BRF1: variants seen among roughly 807,000 people sequenced by gnomAD.
The protein encoded by BRF1 is transcription factor IIIB 90 kDa subunit.
In BRF1, 59 loss-of-function variants were observed where a neutral mutation model predicts 81.7. That is an observed-to-expected ratio of 0.72 (90% CI 0.59 to 0.90). The LOEUF (loss-of-function observed/expected upper bound fraction) is 0.90, where lower values mean the gene tolerates loss of function less well. Among genes scored for constraint, BRF1 ranks in the 40% least tolerant of loss-of-function variants. BRF1 has a pLI of 0.00. For missense variants in BRF1, 1,050 were observed against 936.3 expected, an observed-to-expected ratio of 1.12 and a Z score of -1.58; for synonymous variants, 491 against 395.6, an observed-to-expected ratio of 1.24 and a Z score of -2.86.
intron 14 of BRF1, among the ~76,000 whole-genome samples, chr14:105,218,189 C>T (rs1195781205): frequency 6.6e-6 from 1 of 152,146 alleles, no homozygotes; most frequent in Non-Finnish European, 1.5e-5. Flanking sequence ...TCAGTGAAGA[C>T]AGACAATCCA....
At chr14:105,289,475 G>A (rs182988061) in intron 1 of BRF1, among the ~76,000 whole-genome samples, 3 of 152,330 alleles carry the variant, frequency 2.0e-5, no homozygotes, top group South Asian at 2.1e-4. Flanking sequence ...AGGGAGAAAC[G>A]CAGGACTCAG....
intron 1 of BRF1, among the ~76,000 whole-genome samples, chr14:105,297,209 T>C (rs917445920): frequency 2.0e-5 from 3 of 152,034 alleles, no homozygotes; most frequent in South Asian, 2.1e-4. Context: ...ACTGACAGAC[T>C]ATATCAAAGA....
chr14:105,291,442 G>A (rs1373084198), intron 1 of BRF1, among the ~76,000 whole-genome samples: 1 of 152,184 alleles, frequency 6.6e-6, no homozygotes, highest in African/African-American at 2.4e-5. Flanking sequence ...TTGGGAGGCC[G>A]ATGTGGGTGG....
intron 5 of BRF1, chr14:105,247,972 G>A: frequency 4.1e-6 from 4 of 985,402 alleles, no homozygotes; most frequent in East Asian, 1.1e-4. Flanking sequence ...CAGAGCCACA[G>A]AGGCAGGGCG....
chr14:105,248,188 G>A (rs773082485), intron 5 of BRF1: 2 of 985,502 alleles, frequency 2.0e-6, no homozygotes, highest in East Asian at 1.1e-4. Context: ...GCTGGCGTCC[G>A]TAGCAAGCTA....
intron 1 of BRF1, chr14:105,314,916 G>GCCATGGCCGAGCGAGGCCGCCT: frequency 9.6e-7 from 1 of 1,036,806 alleles, no homozygotes; most frequent in Non-Finnish European, 1.2e-6. Context: ...CGGGGCCGGC[G>GCCATGGCCGAGCGAGGCCGCCT]CCATGGCCGA....
At chr14:105,251,093 A>G in intron 5 of BRF1, 1 of 202,916 alleles carries the variant, frequency 4.9e-6, no homozygotes, top group South Asian at 1.1e-4. Context: ...CTAAAATAAC[A>G]CCCACGTGTC....
chr14:105,241,025 GC>G (rs1385373870), intron 6 of BRF1, among the ~76,000 whole-genome samples: 1 of 152,216 alleles, frequency 6.6e-6, no homozygotes, highest in African/African-American at 2.4e-5. Context: ...TGGGGTCAAG[GC>G]CGCTCTGCCC....
At chr14:105,265,241 C>A (rs919369993) in intron 3 of BRF1, among the ~76,000 whole-genome samples, 3 of 151,744 alleles carry the variant, frequency 2.0e-5, no homozygotes, top group African/African-American at 4.8e-5. Context: ...TGGCTAATTT[C>A]TTTTATTAGC....
rs964511614 is a variant in BRF1 at position 105,241,592 on chromosome 14, C to A, written c.545-178G>T. 1.6e-5 allele frequency: 13 copies of A among 825,732 alleles called. No homozygotes were observed. In the Admixed American group the frequency reaches 3.1e-4, roughly 20 times the overall value. The allele number at this position is 825,732 out of a possible 1,614,324, so 51.2% of individuals were successfully genotyped here. On this transcript the variant is annotated intron_variant, in intron 5 of 17. Coordinates refer to ENST00000547530, the MANE Select transcript of BRF1 (RefSeq NM_001519.4). ...ACCCTCAGCTAGGGCAGCCATCGCACCGAACCCAGGAGAGCCACTGGCCAC... is the reference window on the plus strand; with the variant it reads ...ACCCTCAGCTAGGGCAGCCATCGCAACGAACCCAGGAGAGCCACTGGCCAC...
Position 105,271,051 on chromosome 14 carries a change from A to G in BRF1, c.439+1670T>C, listed in dbSNP as rs1370834363. On this transcript the variant is annotated intron_variant, in intron 3 of 17. Coordinates refer to ENST00000547530, the MANE Select transcript of BRF1 (RefSeq NM_001519.4). This position sits in a 1 kb window ranked among gnomAD's most constrained non-coding sequence, Gnocchi z 5.5. Reference sequence around the variant, plus strand: ...AGGAAGACGGGAGATTATAAAAAAGATTCGGAAAAGACCCAGAGCTCTTAG... The same window carrying G: ...AGGAAGACGGGAGATTATAAAAAAGGTTCGGAAAAGACCCAGAGCTCTTAG... Among the ~76,000 whole-genome samples, 4 of 152,232 alleles carry G rather than the reference A, an allele frequency of 2.6e-5. No individual in the cohort carries two copies. The highest frequency in any genetic ancestry group is 4.4e-5 in the Non-Finnish European group (3 of 68,046).
At chr14:105,217,404 C>T in intron 15 of BRF1, 140 bp downstream of exon 15, 2 of 1,348,812 alleles carry the variant, frequency 1.5e-6, no homozygotes, top group Non-Finnish European at 2.0e-6. Flanking sequence ...CCCACCAGTC[C>T]CCAGCATGCA....
chr14:105,292,373 CTTGTT>C (rs930883837), intron 1 of BRF1, among the ~76,000 whole-genome samples: 29 of 152,058 alleles, frequency 1.9e-4, no homozygotes, highest in Middle Eastern at 3.4e-3. Context: ...GGGGTTTTTT[CTTGTT>C]TTGTTTTTTT....
At chr14:105,227,420 C>CA (rs202051035) in intron 7 of BRF1, 2,732 of 152,458 alleles carry the variant, frequency 0.018, 40 homozygotes, top group Middle Eastern at 0.047. Context: ...AAATCTGTGT[C>CA]AAAAAAATGA....
intron 1 of BRF1, among the ~76,000 whole-genome samples, chr14:105,307,037 A>G (rs201039478): frequency 6.7e-6 from 1 of 149,796 alleles, no homozygotes; most frequent in South Asian, 2.1e-4. Context: ...TATTTACTTT[A>G]TTTTTTCTTT....
intron 11 of BRF1, among the ~76,000 whole-genome samples, chr14:105,220,384 C>T (rs1387759189): frequency 3.9e-5 from 6 of 152,220 alleles, no homozygotes; most frequent in African/African-American, 1.4e-4. Context: ...CACTTCTGTG[C>T]TTTTTGTAAA....
rs781537085 is a variant in BRF1 at position 105,272,046 on chromosome 14, G to C, written c.439+675C>G. On this transcript the variant is annotated intron_variant, in intron 3 of 17. Coordinates refer to ENST00000547530, the MANE Select transcript of BRF1 (RefSeq NM_001519.4). ...CAAGGCCAAGCTGCACACCGCTGAG[G>C]GTCGGCGGCCTCCCCGCCCACCGCC... 2.1e-4 allele frequency among the ~76,000 whole-genome samples: 7 copies of C among 33,224 alleles called. 1 individual carries two copies. The highest frequency in any genetic ancestry group is 1.5e-3 in the South Asian group (1 of 686). 21.8% of individuals were successfully genotyped at this position (33,224 alleles called of 152,430 possible).
intron 3 of BRF1, among the ~76,000 whole-genome samples, chr14:105,262,127 T>A (rs1406358489): frequency 6.6e-6 from 1 of 152,212 alleles, no homozygotes; most frequent in Non-Finnish European, 1.5e-5. Flanking sequence ...GCAGGCAGAC[T>A]GGGCATCCTC....
chr14:105,267,556 C>T (rs965569247), intron 3 of BRF1, among the ~76,000 whole-genome samples: 1 of 152,144 alleles, frequency 6.6e-6, no homozygotes, highest in Non-Finnish European at 1.5e-5. Flanking sequence ...AAGCAATCCT[C>T]CTGCCTGGGC....
Sources: allele counts gnomAD v4.1 joint callset (sites outside exome capture counted in the v4.1 genomes callset), GRCh38; gene constraint gnomAD v4.1.1; non-coding constraint Gnocchi (gnomAD v3.1); transcripts MANE v1.5; gene names NCBI Gene and HGNC (gene_info 2026-07-23, HGNC 2026-07-21).